COL6A3: variants seen among roughly 807,000 people sequenced by gnomAD.
COL6A3 encodes the protein collagen type VI alpha 3 chain, also known as collagen alpha-3(VI) chain.
A neutral mutation model predicts 274.1 loss-of-function variants in COL6A3; 137 were observed. The observed-to-expected ratio is 0.50, with a 90% confidence interval of 0.44 to 0.58. The LOEUF (loss-of-function observed/expected upper bound fraction) is 0.58, where lower values mean the gene tolerates loss of function less well. Ranked by LOEUF, COL6A3 falls within the 20% of genes least tolerant of loss-of-function variation. The pLI is 0.00. For missense variants in COL6A3, 3,950 were observed against 4,124.9 expected (o/e 0.96, Z 1.16); for synonymous variants, 1,650 against 1,650.6 (o/e 1.00, Z 0.01).
Position 237,387,958 on chromosome 2 carries a change from G to T in COL6A3, c.936C>A (p.Leu312=), listed in dbSNP as rs377629176. ...TGGCCAACTCCCCACCAGCAAACCC[G>T]AGGGCTTTCACTGCACCCAGAACCT... ...KAQVLGAVKA[L]GFAGGELANI... Residue 312 remains leucine, a synonymous_variant, in exon 4 of 44, where the codon CTC becomes CTA. Transcript: ENST00000295550. 1 of 1,614,200 alleles carries T rather than the reference G, an allele frequency of 6.2e-7. No individual in the cohort carries two copies. Among genetic ancestry groups the T allele is most frequent in the Non-Finnish European group, 8.5e-7 (1 of 1,180,032 alleles).
intron 8 of COL6A3, 98 bp from the exon 9 acceptor site, chr2:237,372,435 G>A: frequency 1.3e-6 from 2 of 1,592,484 alleles, no homozygotes; most frequent in Non-Finnish European, 8.5e-7. Context: ...ACAGGCAGGG[G>A]ATCCTAACAC....
chr2:237,410,862 CAG>C (rs1211753404), intron 1 of COL6A3, among the ~76,000 whole-genome samples: 2 of 152,122 alleles, frequency 1.3e-5, no homozygotes, highest in African/African-American at 4.8e-5. Context: ...ACAGTGGAAA[CAG>C]AGAAGCTGTA....
Position 237,363,262 on chromosome 2 carries a change from C to T in COL6A3, c.6054G>A (p.Ala2018=), listed in dbSNP as rs367696163. The part of the protein sequence containing the change: ...LNLLDLDYEL[A]EQLDNIAEKA... Reference sequence around the variant, plus strand: ...CATAAAAAAAACTCACAAGCTGCTCCGCTAGTTCATAATCCAAGTCCAGCA... The same window carrying T: ...CATAAAAAAAACTCACAAGCTGCTCTGCTAGTTCATAATCCAAGTCCAGCA... The change falls in exon 14 of 44, where the codon GCG becomes GCA. Residue 2018 remains alanine, a synonymous_variant. Coordinates refer to ENST00000295550, the MANE Select transcript of COL6A3 (RefSeq NM_004369.4). 27 of 1,613,932 alleles carry T rather than the reference C, an allele frequency of 1.7e-5. No homozygotes were observed. Among genetic ancestry groups the T allele is most frequent in the Non-Finnish European group, 1.8e-5 (21 of 1,180,034 alleles).
chr2:237,328,575 G>A (rs1208977665), intron 42 of COL6A3: 1 of 152,232 alleles, frequency 6.6e-6, no homozygotes, highest in Non-Finnish European at 1.5e-5. Flanking sequence ...TGAGAATCGT[G>A]TAATATATTT....
rs1421714541 is a variant in COL6A3, at chr2:237,368,923, G to T, written c.4540C>A (p.Leu1514Met). The change falls in exon 10 of 44, where the codon CTG becomes ATG. Residue 1514 changes from leucine to methionine, a missense_variant. Coordinates refer to ENST00000295550, the MANE Select transcript of COL6A3 (RefSeq NM_004369.4). The surrounding 1 kb of genome is among the most constrained non-coding windows in gnomAD (Gnocchi z 4.4). ...RRLRLRGGSPLNTGKALEFVA... is the reference protein window; with the variant it reads ...RRLRLRGGSPMNTGKALEFVA... ...AATTCGAGAGCCTTGCCAGTGTTCA[G>T]TGGGGACCCCCCTCTGAGCCTCAGG... The T allele has an allele frequency of 1.2e-6, 2 of 1,614,102 alleles. No individual in the cohort carries two copies. Among genetic ancestry groups the T allele is most frequent in the East Asian group, 2.2e-5 (1 of 44,896 alleles).
chr2:237,406,397 G>T (rs1319246933), intron 1 of COL6A3, among the ~76,000 whole-genome samples: 2 of 152,090 alleles, frequency 1.3e-5, no homozygotes, highest in African/African-American at 4.8e-5. Flanking sequence ...TCCAAGCACT[G>T]CTTTTTAAAA....
In COL6A3 at chr2:237,377,145, G is replaced by A; in HGVS notation, c.2697C>T (p.Ile899=). 1 of 1,614,180 alleles carries A rather than the reference G, an allele frequency of 6.2e-7. No individual in the cohort carries two copies. The highest frequency in any genetic ancestry group is 8.5e-7 in the Non-Finnish European group (1 of 1,180,030). Residue 899 remains isoleucine (I), a synonymous_variant, in exon 7 of 44, where the codon ATC becomes ATT. Transcript: ENST00000295550. ...RFDEHQSKPE[I]LNLVKRMKIK... is the part of the protein sequence containing the mutation. ...TCTTCATTCTCTTCACAAGATTCAG[G>A]ATCTCAGGCTTACTCTGGTGCTCAT...
Position 237,381,401 on chromosome 2 carries a change from C to A in COL6A3, c.1411G>T (p.Val471Phe), listed in dbSNP as rs938794856. ...TGTCCGATTTCCAGCCTCTGGATGA[C>A]TTTAGCAATGAAGTCTCGGATGGCA... ...FNAIRDFIAK[V>F]IQRLEIGQDL... The change falls in exon 5 of 44, where the codon GTC becomes TTC. Residue 471 changes from valine (V) to phenylalanine (F), a missense_variant. Around this residue, in one of 5 missense-constraint regions of COL6A3, gnomAD observed 1,934 missense variants for 1,984.3 expected, o/e 0.97. Transcript: ENST00000295550. 6.2e-7 allele frequency: 1 copy of A among 1,613,906 alleles called. No individual in the cohort carries two copies. The highest frequency in any genetic ancestry group is 1.3e-5 in the African/African-American group (1 of 74,942).
Position 237,381,053 on chromosome 2 carries a change from C to T in COL6A3, c.1759G>A (p.Ala587Thr). Residue 587 changes from alanine (A) to threonine (T), a missense_variant, in exon 5 of 44, where the codon GCC becomes ACC. Ala to Thr is a moderately conservative substitution (Grantham distance 58). Transcript: ENST00000295550. ...IMAFAIGNKG[A>T]DQAELEEIAF... is the part of the protein sequence containing the mutation. ...ATCTCTTCCAGCTCAGCCTGATCGGCACCCTTGTTCCCAATGGCAAAGGCC... is the reference window on the plus strand; with the variant it reads ...ATCTCTTCCAGCTCAGCCTGATCGGTACCCTTGTTCCCAATGGCAAAGGCC... 2 of 1,614,190 alleles carry T rather than the reference C, an allele frequency of 1.2e-6. No homozygotes were observed. The highest frequency in any genetic ancestry group is 1.7e-6 in the Non-Finnish European group (2 of 1,180,044).
At chr2:237,355,163 C>T in intron 23 of COL6A3, 2 of 502,648 alleles carry the variant, frequency 4.0e-6, no homozygotes, top group Non-Finnish European at 7.1e-6. Context: ...TGCTTCCTTG[C>T]TGCTCCTGTT....
At chr2:237,346,640 A>T in intron 31 of COL6A3, 75 bp from the exon 32 acceptor site, 1 of 1,371,966 alleles carries the variant, frequency 7.3e-7, no homozygotes, top group Non-Finnish European at 1.0e-6. Context: ...GTTGGAAGGT[A>T]CGGTAAAAGT....
rs751915461 is a variant in COL6A3 at position 237,365,767 on chromosome 2, G to A, written c.5769C>T (p.Tyr1923=). 66 of 1,614,214 alleles carry A rather than the reference G, an allele frequency of 4.1e-5. No individual in the cohort carries two copies. The highest frequency in any genetic ancestry group is 1.6e-4 in the Middle Eastern group (1 of 6,062). ...KFRNMRSQHP[Y]VLTEDTLKVY... ...CCTTCAGGGTGTCCTCCGTGAGGAC[G>A]TAGGGGTGCTGGCTGCGCATGTTCC... Residue 1923 remains tyrosine, a synonymous_variant, in exon 12 of 44, where the codon TAC becomes TAT. Transcript: ENST00000295550.
At chr2:237,349,821 C>T (rs2077168627) in intron 28 of COL6A3, among the ~76,000 whole-genome samples, 1 of 152,146 alleles carries the variant, frequency 6.6e-6, no homozygotes, top group Non-Finnish European at 1.5e-5. Flanking sequence ...TGCAGAAAAG[C>T]TTCATCTAGT....
chr2:237,341,267 C>A, intron 37 of COL6A3, 117 bp from the exon 38 acceptor site: 1 of 1,076,480 alleles, frequency 9.3e-7, no homozygotes, highest in Non-Finnish European at 1.4e-6. Context: ...AAAAGCGGGC[C>A]GGAAGCGGTG....
At position 237,351,209 on chromosome 2, in the gene COL6A3, G is replaced by A. The variant is rs368492155; in HGVS notation, c.6754-17C>T. 1.3e-5 allele frequency: 21 copies of A among 1,613,754 alleles called. No homozygotes were observed. Among genetic ancestry groups the A allele is most frequent in the Non-Finnish European group, 1.5e-5 (18 of 1,179,726 alleles). ...TCCGCTTCCCTGGAGCAGGAGGGGA[G>A]GAATGTGTCAGTGAAGTGGCCAACC... On this transcript the variant is annotated splice_polypyrimidine_tract_variant and intron_variant, in intron 26 of 43. Transcript: ENST00000295550.
chr2:237,334,168 G>A (rs1407649574), intron 41 of COL6A3, among the ~76,000 whole-genome samples: 1 of 152,190 alleles, frequency 6.6e-6, no homozygotes, highest in Non-Finnish European at 1.5e-5. Flanking sequence ...GGGAGACTCA[G>A]CTATCGACAT....
rs1405893306 is a variant in COL6A3 at position 237,340,959 on chromosome 2, G to A, written c.7957C>T (p.Pro2653Ser). ...AAGTGCTGGGAGGCCTTGGGATCTG[G>A]GCTCATGTCCAGTTGTCTGACCAGG... Reference protein sequence around the residue: ...AYLVRQLDMSPDPKASQHFAR... With the variant: ...AYLVRQLDMSSDPKASQHFAR... The change falls in exon 38 of 44, where the codon CCA (proline) becomes TCA (serine). Residue 2653 changes from proline to serine, a missense_variant. Physicochemically the swap from Pro to Ser is moderately conservative, Grantham distance 74. This residue lies in a region of COL6A3 where 1,284 missense variants were observed against 1,349.7 expected (regional missense o/e 0.95). Coordinates refer to ENST00000295550, the MANE Select transcript of COL6A3 (RefSeq NM_004369.4). The A allele has an allele frequency of 1.8e-5, 29 of 1,614,132 alleles. No homozygotes were observed. The highest frequency in any genetic ancestry group is 2.4e-5 in the Non-Finnish European group (28 of 1,180,002).
intron 1 of COL6A3, among the ~76,000 whole-genome samples, chr2:237,409,016 G>C (rs2078788681): frequency 6.6e-6 from 1 of 152,052 alleles, no homozygotes; most frequent in Non-Finnish European, 1.5e-5. Flanking sequence ...ACTCTTAAAG[G>C]CTTGTCCCCC....
chr2:237,368,711 C>G lies in COL6A3; in HGVS notation c.4752G>C (p.Gln1584His). ...CCAGTCTGGGGTCATTGGTGATGGT[C>G]TGCAGCTCTGTTCTGTCGATGTTCC... ...GDRNIDRTEL[Q>H]TITNDPRLVF... is the part of the protein sequence containing the mutation. The change falls in exon 10 of 44, where the codon CAG (glutamine) becomes CAC (histidine). Residue 1584 changes from glutamine (Q) to histidine (H), a missense_variant. Around this residue, in one of 5 missense-constraint regions of COL6A3, gnomAD observed 632 missense variants for 623.4 expected, o/e 1.01. Transcript: ENST00000295550. This position sits in a 1 kb window ranked among gnomAD's most constrained non-coding sequence, Gnocchi z 4.4. The G allele has an allele frequency of 6.2e-7, 1 of 1,614,152 alleles. No individual in the cohort carries two copies. Among genetic ancestry groups the G allele is most frequent in the Non-Finnish European group, 8.5e-7 (1 of 1,180,032 alleles).
Sources: gnomAD v4.1 joint callset for allele counts (sites outside exome capture counted in the v4.1 genomes callset) on GRCh38, gnomAD v4.1.1 for gene constraint, gnomAD v4.1.1 regional missense constraint, Gnocchi (gnomAD v3.1) non-coding constraint, MANE v1.5 for transcripts, NCBI Gene and HGNC (gene_info 2026-07-23, HGNC 2026-07-21) for gene names.